Variants in SHC4 observed in about 807,000 individuals in gnomAD.
The protein encoded by SHC4 is SHC-transforming protein 4.
Under a neutral mutation model 69.4 loss-of-function variants are expected in SHC4, and 41 were observed. That is an observed-to-expected ratio of 0.59 (90% CI 0.46 to 0.77). SHC4 has a LOEUF of 0.77. Among genes scored for constraint, SHC4 ranks in the 30% least tolerant of loss-of-function variants. SHC4 has a pLI of 0.00. For missense variants in SHC4, 777 were observed against 783.8 expected (o/e 0.99, Z 0.10); for synonymous variants, 318 against 299.3 (o/e 1.06, Z -0.64).
At chr15:48,873,558 C>T (rs1595740277) in intron 4 of SHC4, among the ~76,000 whole-genome samples, 1 of 152,156 alleles carries the variant, frequency 6.6e-6, no homozygotes, top group Non-Finnish European at 1.5e-5. Context: ...TCCTAGCTAA[C>T]ACAGTGAAAC....
At position 48,955,992 on chromosome 15, in the gene SHC4, G is replaced by A. The variant is rs551068875; in HGVS notation, c.585+6439C>T. ...GATCTCTAAGACTCTTGCAGTTAAG[G>A]CTCTAGTGTCCAGGGGCATGAAAGG... On this transcript the variant is annotated intron_variant, in intron 1 of 11. Transcript: ENST00000332408. Among the ~76,000 whole-genome samples, 9 of 152,244 alleles carry A rather than the reference G, an allele frequency of 5.9e-5. No homozygotes were observed. The East Asian group carries it at 7.7e-4, about 13-fold the overall frequency.
At chr15:48,878,548 A>G (rs766741446) in intron 4 of SHC4, 2 of 1,614,082 alleles carry the variant, frequency 1.2e-6, no homozygotes, top group Admixed American at 3.3e-5. Context: ...GCTACAGAGT[A>G]TCAGCCGCTC....
At chr15:48,862,084 T>C (rs1899455898) in intron 6 of SHC4, among the ~76,000 whole-genome samples, 1 of 152,162 alleles carries the variant, frequency 6.6e-6, no homozygotes, top group African/African-American at 2.4e-5. Flanking sequence ...GGCAAGCCAG[T>C]ATTCAGTTCA....
chr15:48,834,636 C>T, intron 11 of SHC4, 133 bp downstream of exon 11: 9 of 1,323,826 alleles, frequency 6.8e-6, no homozygotes, highest in South Asian at 1.4e-5. Flanking sequence ...GCATGTCCTG[C>T]TCCAGCTGGA....
intron 1 of SHC4, among the ~76,000 whole-genome samples, chr15:48,937,276 G>A (rs936716273): frequency 3.9e-5 from 6 of 152,038 alleles, no homozygotes; most frequent in African/African-American, 1.4e-4. Flanking sequence ...TTGCCCAGGT[G>A]ATCTCAAACT....
intron 2 of SHC4, among the ~76,000 whole-genome samples, chr15:48,911,916 G>A (rs1008608679): frequency 6.6e-6 from 1 of 152,206 alleles, no homozygotes. Context: ...GGAGGCTGAA[G>A]ATAGGGCCCC....
chr15:48,874,695 T>C (rs1355940739), intron 4 of SHC4, among the ~76,000 whole-genome samples: 1 of 152,174 alleles, frequency 6.6e-6, no homozygotes, highest in Non-Finnish European at 1.5e-5. Context: ...GAGGTTTGAC[T>C]GCACAGAGAC....
At chr15:48,834,744 A>G in intron 11 of SHC4, 25 bp downstream of exon 11, 1 of 1,611,486 alleles carries the variant, frequency 6.2e-7, no homozygotes. Flanking sequence ...ATCCTGTGAA[A>G]CCTCTAATGA....
intron 10 of SHC4, among the ~76,000 whole-genome samples, chr15:48,840,836 T>G (rs926937261): frequency 6.6e-6 from 1 of 152,014 alleles, no homozygotes; most frequent in Non-Finnish European, 1.5e-5. Flanking sequence ...GTACATTAAA[T>G]CCTAATAGGA....
chr15:48,841,241 G>T (rs1460928053), intron 10 of SHC4, among the ~76,000 whole-genome samples: 1 of 152,180 alleles, frequency 6.6e-6, no homozygotes, highest in African/African-American at 2.4e-5. Context: ...AAGGTATCAA[G>T]AATATACTCT....
intron 2 of SHC4, among the ~76,000 whole-genome samples, chr15:48,904,773 C>T (rs189979846): frequency 6.6e-6 from 1 of 152,028 alleles, no homozygotes; most frequent in African/African-American, 2.4e-5. Context: ...GTGGTCCTAG[C>T]TCCTTGGGAG....
chr15:48,918,279 T>C (rs1215881894), intron 2 of SHC4, among the ~76,000 whole-genome samples: 1 of 152,176 alleles, frequency 6.6e-6, no homozygotes, highest in African/African-American at 2.4e-5. Context: ...GTTAACTGGA[T>C]GGAAATATTT....
At chr15:48,842,091 T>G (rs927946808) in intron 10 of SHC4, among the ~76,000 whole-genome samples, 1 of 152,214 alleles carries the variant, frequency 6.6e-6, no homozygotes, top group African/African-American at 2.4e-5. Flanking sequence ...CAAAACAACT[T>G]CAATATTTTA....
chr15:48,872,801 G>C (rs772210674), intron 4 of SHC4, among the ~76,000 whole-genome samples: 1 of 152,184 alleles, frequency 6.6e-6, no homozygotes, highest in African/African-American at 2.4e-5. Context: ...TAGCTAAGAA[G>C]ATTGTCTTCT....
intron 1 of SHC4, among the ~76,000 whole-genome samples, chr15:48,949,874 T>G (rs1460931917): frequency 6.9e-6 from 1 of 145,420 alleles, no homozygotes; most frequent in South Asian, 2.1e-4. Context: ...TATTAATAAT[T>G]TTATAATGTA....
intron 4 of SHC4, 74 bp from the exon 5 acceptor site, chr15:48,872,216 A>T (rs1009558222): frequency 6.6e-5 from 60 of 910,688 alleles, no homozygotes; most frequent in Non-Finnish European, 3.4e-5. Flanking sequence ...ACAGTAATAG[A>T]CATACATTTG....
At chr15:48,852,731 G>C (rs1390861309) in intron 8 of SHC4, among the ~76,000 whole-genome samples, 1 of 151,856 alleles carries the variant, frequency 6.6e-6, no homozygotes, top group Non-Finnish European at 1.5e-5. Context: ...GGGAAACCCT[G>C]TCTCTACTAA....
chr15:48,920,795 T>C (rs1900738287), intron 2 of SHC4, among the ~76,000 whole-genome samples: 1 of 151,836 alleles, frequency 6.6e-6, no homozygotes, highest in Admixed American at 6.6e-5. Flanking sequence ...TGATGAAAAA[T>C]AGAAGAGGCC....
In SHC4 at chr15:48,861,785, A is replaced by G. The variant is rs192897033; in HGVS notation, c.947-3970T>C. ...GCCCTGGGTATCAAGTACTAAACTA[A>G]GATTCAAAAGAACCTGAGATACATA... On this transcript the variant is annotated intron_variant, in intron 6 of 11. Transcript: ENST00000332408. 1.8e-3 allele frequency among the ~76,000 whole-genome samples: 274 copies of G among 152,310 alleles called. 5 individuals carry two copies. The highest frequency in any genetic ancestry group is 0.013 in the Admixed American group (204 of 15,300).
Sources: gnomAD v4.1 joint callset for allele counts (sites outside exome capture counted in the v4.1 genomes callset) on GRCh38, gnomAD v4.1.1 for gene constraint, MANE v1.5 for transcripts, NCBI Gene and HGNC (gene_info 2026-07-23, HGNC 2026-07-21) for gene names.